The following NFIX variants were observed in gnomAD, a reference collection of about 807,000 sequenced individuals.
NFIX encodes nuclear factor I X.
In NFIX, 2 loss-of-function variants were observed where a neutral mutation model predicts 53.3. The ratio of observed to expected loss-of-function variants is 0.04; its 90% confidence interval spans 0.02 to 0.12. NFIX has a LOEUF of 0.12. NFIX is among the 10% of genes least tolerant of loss of function. The probability of loss-of-function intolerance (pLI) is 1.00; values close to 1 mark genes in which losing one functional copy is unlikely to be tolerated. For synonymous variants in NFIX, 244 were observed against 289.0 expected (o/e 0.84, Z 1.58); for missense variants, 310 against 674.5 (o/e 0.46, Z 5.99).
rs2145514902 is a variant in NFIX, at chr19:13,090,171, C to T, written c.1403-128C>T. ...ATGCCCCTCTGGCCCATCCTTCCCA[C>T]TGCCAGCCTAAACTCGGGCAGCATG... On this transcript the variant is annotated intron_variant, in intron 9 of 10. Transcript: ENST00000592199. The surrounding 1 kb of genome is among the most constrained non-coding windows in gnomAD (Gnocchi z 6.6). 1 of 875,702 alleles carries T rather than the reference C, an allele frequency of 1.1e-6. No individual in the cohort carries two copies. Among genetic ancestry groups the T allele is most frequent in the Non-Finnish European group, 1.9e-6 (1 of 532,194 alleles). The allele number at this position is 875,702 out of a possible 1,614,324, so 54.2% of individuals were successfully genotyped here. A position where few individuals can be genotyped will look rare whatever the true frequency, so the allele number is the denominator to read the frequency against.
intron 2 of NFIX, among the ~76,000 whole-genome samples, chr19:13,062,333 A>G (rs908689626): frequency 6.6e-6 from 1 of 152,222 alleles, no homozygotes; most frequent in African/African-American, 2.4e-5. Flanking sequence ...TTCTTTCTTC[A>G]GGAGGGGGAA....
At position 13,073,278 on chromosome 19, in the gene NFIX, C is replaced by T. The variant is rs575795260; in HGVS notation, c.623-144C>T. The T allele has an allele frequency of 1.1e-6, 1 of 914,512 alleles. No homozygotes were observed. The highest frequency in any genetic ancestry group is 1.6e-5 in the African/African-American group (1 of 61,432). The allele number at this position is 914,512 out of a possible 1,614,324, so 56.6% of individuals were successfully genotyped here. A position where few individuals can be genotyped will look rare whatever the true frequency, so the allele number is the denominator to read the frequency against. On this transcript the variant is annotated intron_variant, in intron 3 of 10. Transcript: ENST00000592199. The surrounding 1 kb of genome is among the most constrained non-coding windows in gnomAD (Gnocchi z 4.5). ...ATGGGGGCACACCTAGAGGATCCCCCCTGTTCGGTGTAGACCTGAGGGCTA... is the reference window on the plus strand; with the variant it reads ...ATGGGGGCACACCTAGAGGATCCCCTCTGTTCGGTGTAGACCTGAGGGCTA...
Position 13,094,931 on chromosome 19 carries a change from G to C in NFIX, c.*282G>C. ...CGCGACATGGACTCTGTCAAGTAGA[G>C]GACAGAAAGCAAGAAAGGATGCAGA... On this transcript the variant is annotated 3_prime_UTR_variant, in exon 11 of 11. Coordinates refer to ENST00000592199, the MANE Select transcript of NFIX (RefSeq NM_001365902.3). The surrounding 1 kb of genome is among the most constrained non-coding windows in gnomAD (Gnocchi z 4.3). The C allele has an allele frequency of 2.3e-6, 1 of 437,426 alleles. No homozygotes were observed. Among genetic ancestry groups the C allele is most frequent in the South Asian group, 3.4e-5 (1 of 29,678 alleles). 27.1% of individuals were successfully genotyped at this position (437,426 alleles called of 1,614,324 possible).
At chr19:13,041,513 A>T (rs1465537037) in intron 2 of NFIX, among the ~76,000 whole-genome samples, 1 of 152,112 alleles carries the variant, frequency 6.6e-6, no homozygotes, top group East Asian at 1.9e-4. Flanking sequence ...AAAATTTAAT[A>T]CTGCAGGGCG....
intron 2 of NFIX, among the ~76,000 whole-genome samples, chr19:13,059,115 C>T (rs1438723578): frequency 1.3e-5 from 2 of 152,216 alleles, no homozygotes; most frequent in Non-Finnish European, 2.9e-5. Flanking sequence ...TTTTCACATG[C>T]ACTCACACAC....
In NFIX at chr19:13,096,963, AC is replaced by A. The variant is rs1363026884; in HGVS notation, c.*2315del. The stretch of plus-strand genomic sequence containing the variant: ...CGTGTTAGGAGAGAAAAAAAAAAAA[AC>A]AAAAATATATATGGGGGAAATTAAC... On this transcript the variant is annotated 3_prime_UTR_variant, in exon 11 of 11. Coordinates refer to ENST00000592199, the MANE Select transcript of NFIX (RefSeq NM_001365902.3). 3.3e-5 allele frequency: 5 copies of A among 150,046 alleles called. No individual in the cohort carries two copies. Among genetic ancestry groups the A allele is most frequent in the South Asian group, 4.2e-4 (2 of 4,804 alleles). The allele number at this position is 150,046 out of a possible 1,614,324, so 9.3% of individuals were successfully genotyped here. A position where few individuals can be genotyped will look rare whatever the true frequency, so the allele number is the denominator to read the frequency against.
intron 5 of NFIX, 132 bp downstream of exon 5, chr19:13,074,158 T>A: frequency 8.4e-7 from 1 of 1,192,050 alleles, no homozygotes; most frequent in African/African-American, 1.5e-5. Context: ...TTGAGGGCAC[T>A]GGCTCTAACA....
intron 2 of NFIX, among the ~76,000 whole-genome samples, chr19:13,063,525 CTTTT>C: frequency 6.6e-6 from 1 of 151,734 alleles, no homozygotes; most frequent in East Asian, 1.9e-4. Flanking sequence ...CCTCTCTGCT[CTTTT>C]TTGTTTTTGT....
chr19:13,078,101 G>A lies in NFIX; in HGVS notation c.956-512G>A, dbSNP rs1167438095. 1.3e-5 allele frequency among the ~76,000 whole-genome samples: 2 copies of A among 152,126 alleles called. No homozygotes were observed. Among genetic ancestry groups the A allele is most frequent in the Non-Finnish European group, 2.9e-5 (2 of 68,004 alleles). The stretch of plus-strand genomic sequence containing the variant: ...GCTGGGCATTGTGTCCCTCCTGAGG[G>A]CTCATGGCTGTGTGCTCCCTTCCCT... On this transcript the variant is annotated intron_variant, in intron 6 of 10. Transcript: ENST00000592199. The surrounding 1 kb of genome is among the most constrained non-coding windows in gnomAD (Gnocchi z 4.7).
At chr19:13,046,099 T>G (rs935714189) in intron 2 of NFIX, among the ~76,000 whole-genome samples, 2 of 152,178 alleles carry the variant, frequency 1.3e-5, no homozygotes, top group African/African-American at 4.8e-5. Context: ...GTAGGAAGCC[T>G]CCTTCCACCA....
intron 2 of NFIX, among the ~76,000 whole-genome samples, chr19:13,039,676 C>T (rs1238257674): frequency 6.6e-6 from 1 of 152,130 alleles, no homozygotes; most frequent in African/African-American, 2.4e-5. Flanking sequence ...GCAAGTTGGC[C>T]CTGGGCTCAG....
At chr19:12,997,059 C>T (rs144864029) in intron 1 of NFIX, among the ~76,000 whole-genome samples, 245 of 152,372 alleles carry the variant, frequency 1.6e-3, no homozygotes, top group African/African-American at 5.7e-3. Flanking sequence ...TGTGGGGGTT[C>T]TCTAGGCCAG....
At chr19:13,062,137 C>G (rs541157558) in intron 2 of NFIX, among the ~76,000 whole-genome samples, 2 of 152,302 alleles carry the variant, frequency 1.3e-5, no homozygotes, top group South Asian at 4.1e-4. Flanking sequence ...TCTGCCTTCC[C>G]CTGCTGTGCT....
Position 13,022,282 on chromosome 19 carries a change from C to G in NFIX, c.28-2739C>G, listed in dbSNP as rs1263095680. Among the ~76,000 whole-genome samples, 1 of 152,164 alleles carries G rather than the reference C, an allele frequency of 6.6e-6. No individual in the cohort carries two copies. The highest frequency in any genetic ancestry group is 2.1e-4 in the South Asian group (1 of 4,830). ...GCTGTGTTGCGTTGGCATCCCTCGT[C>G]ACCGCTAATGGAGTGTGCGTGGCTG... On this transcript the variant is annotated intron_variant, in intron 1 of 10. Coordinates refer to ENST00000592199, the MANE Select transcript of NFIX (RefSeq NM_001365902.3). The surrounding 1 kb of genome is among the most constrained non-coding windows in gnomAD (Gnocchi z 4.5).
intron 2 of NFIX, among the ~76,000 whole-genome samples, chr19:13,069,492 G>C (rs1599835479): frequency 6.6e-6 from 1 of 152,252 alleles, no homozygotes; most frequent in Admixed American, 6.5e-5. Flanking sequence ...CCCAGTGAGA[G>C]AGCAGACACT....
chr19:13,091,060 C>T (rs531737495), intron 10 of NFIX, among the ~76,000 whole-genome samples: 1 of 152,220 alleles, frequency 6.6e-6, no homozygotes, highest in South Asian at 2.1e-4. Flanking sequence ...CAGGTGGAGA[C>T]CCCAGAGGCC....
rs2018466351 is a variant in NFIX at position 13,096,464 on chromosome 19, C to T, written c.*1815C>T. ...CAGCTGGAAGCCACAAGGTGGCTGGCTCCAGGGGCGGCTTTTGTTGGAAGT... is the reference window on the plus strand; with the variant it reads ...CAGCTGGAAGCCACAAGGTGGCTGGTTCCAGGGGCGGCTTTTGTTGGAAGT... On this transcript the variant is annotated 3_prime_UTR_variant, in exon 11 of 11. Coordinates refer to ENST00000592199, the MANE Select transcript of NFIX (RefSeq NM_001365902.3). The T allele has an allele frequency of 6.6e-6, 1 of 152,204 alleles. No individual in the cohort carries two copies. 9.4% of individuals were successfully genotyped at this position (152,204 alleles called of 1,614,324 possible). A position where few individuals can be genotyped will look rare whatever the true frequency, so the allele number is the denominator to read the frequency against.
At chr19:13,024,912 G>T (rs948682385) in intron 1 of NFIX, 109 bp from the exon 2 acceptor site, 23 of 1,448,250 alleles carry the variant, frequency 1.6e-5, no homozygotes, top group Non-Finnish European at 1.8e-5. Flanking sequence ...GGTTTTCCTT[G>T]TGCCCCCCCT....
In NFIX at chr19:13,022,522, A is replaced by G. The variant is rs1210938940; in HGVS notation, c.28-2499A>G. ...GCTCTCTTTCTTCTTATTTCTATTC[A>G]TAGCACCGCAGGCCCGTGTGTATGT... is the stretch of plus-strand genomic sequence containing the variant. On this transcript the variant is annotated intron_variant, in intron 1 of 10. Transcript: ENST00000592199. This position sits in a 1 kb window ranked among gnomAD's most constrained non-coding sequence, Gnocchi z 4.5. 6.6e-6 allele frequency among the ~76,000 whole-genome samples: 1 copy of G among 151,846 alleles called. No individual in the cohort carries two copies. The highest frequency in any genetic ancestry group is 2.4e-5 in the African/African-American group (1 of 41,288).
Sources: gnomAD v4.1 joint callset for allele counts (sites outside exome capture counted in the v4.1 genomes callset) on GRCh38, gnomAD v4.1.1 for gene constraint, Gnocchi (gnomAD v3.1) non-coding constraint, MANE v1.5 for transcripts, NCBI Gene and HGNC (gene_info 2026-07-23, HGNC 2026-07-21) for gene names.